BRCC3: variants seen among roughly 807,000 people sequenced by gnomAD.
BRCC3 encodes the protein lys-63-specific deubiquitinase BRCC36.
A neutral mutation model predicts 28.0 loss-of-function variants in BRCC3; 15 were observed. The ratio of observed to expected loss-of-function variants is 0.54; its 90% CI spans 0.36 to 0.82. The LOEUF is 0.82. BRCC3 is among the 40% of genes least tolerant of loss of function. BRCC3 has a pLI of 0.01. For synonymous variants in BRCC3, 66 were observed against 80.3 expected, an observed-to-expected ratio of 0.82 and a Z score of 0.95; for missense variants, 109 against 225.9, an observed-to-expected ratio of 0.48 and a Z score of 3.32.
At chrX:155,107,968 A>G (rs1247869664) in intron 7 of BRCC3, among the ~76,000 whole-genome samples, 4 of 111,719 alleles carry the variant, frequency 3.6e-5, no homozygotes, top group East Asian at 2.8e-4. Flanking sequence ...AGCTCAATCA[A>G]TTTTCACAAA....
At chrX:155,094,586 T>C (rs2074197599) in intron 7 of BRCC3, among the ~76,000 whole-genome samples, 1 of 111,068 alleles carries the variant, frequency 9.0e-6, no homozygotes, top group Admixed American at 9.5e-5. Context: ...ACTTGAGCAA[T>C]GTATGCATGG....
At chrX:155,103,171 A>G (rs1314080291) in intron 7 of BRCC3, among the ~76,000 whole-genome samples, 2 of 112,779 alleles carry the variant, frequency 1.8e-5, no homozygotes, top group Non-Finnish European at 3.7e-5. Context: ...CATTGTGGTC[A>G]TACATTTTAC....
At chrX:155,111,478 T>C (rs1017517374) in intron 7 of BRCC3, among the ~76,000 whole-genome samples, 6 of 112,095 alleles carry the variant, frequency 5.4e-5, no homozygotes, top group African/African-American at 9.7e-5. Flanking sequence ...TCAATTGATC[T>C]TCAACAACTG....
At chrX:155,120,991 G>A (rs2074385362) in intron 10 of BRCC3, among the ~76,000 whole-genome samples, 1 of 111,557 alleles carries the variant, frequency 9.0e-6, no homozygotes, top group Admixed American at 9.5e-5. Context: ...AGTGATAAAG[G>A]CTGTTTTTGG....
At chrX:155,099,500 C>A in intron 7 of BRCC3, 1 of 1,048,390 alleles carries the variant, frequency 9.5e-7, no homozygotes, top group Non-Finnish European at 1.3e-6. Flanking sequence ...AGAACTCAGT[C>A]AAGTGGCCAT....
chrX:155,111,561 C>G (rs1327105385), intron 7 of BRCC3, among the ~76,000 whole-genome samples: 1 of 111,504 alleles, frequency 9.0e-6, no homozygotes, highest in Admixed American at 9.5e-5. Flanking sequence ...TATCCACATG[C>G]AAAAAGAATA....
chrX:155,112,767 A>G (rs1557298276), intron 7 of BRCC3, among the ~76,000 whole-genome samples: 1 of 112,461 alleles, frequency 8.9e-6, no homozygotes, highest in East Asian at 2.8e-4. Context: ...ACCTCACAAA[A>G]CTGTTAGAAC....
intron 9 of BRCC3, among the ~76,000 whole-genome samples, chrX:155,117,734 T>C (rs1211377177): frequency 9.0e-6 from 1 of 111,711 alleles, no homozygotes; most frequent in Non-Finnish European, 1.9e-5. Context: ...TATATAAGAA[T>C]TTATATTTAG....
intron 7 of BRCC3, among the ~76,000 whole-genome samples, chrX:155,097,246 C>T (rs2074216193): frequency 9.0e-6 from 1 of 111,566 alleles, no homozygotes; most frequent in African/African-American, 3.3e-5. Flanking sequence ...ATTTGCAACC[C>T]ATATATCTGA....
Position 155,120,008 on chromosome X carries a change from A to G in BRCC3, c.734A>G (p.Lys245Arg). Reference sequence around the variant, plus strand: ...ATTTTTCCTATTGAAGTGTTTACCAAGAATCTGTGCAGTCAGATGTCGGCA... The same window carrying G: ...ATTTTTCCTATTGAAGTGTTTACCAGGAATCTGTGCAGTCAGATGTCGGCA... ...TKIHNGSVFT[K>R]NLCSQMSAVS... Residue 245 changes from lysine (K) to arginine (R), a missense_variant, in exon 10 of 11, where the codon AAG becomes AGG. This residue lies in a region of BRCC3 where 50 missense variants were observed against 115.2 expected (regional missense o/e 0.43). Transcript: ENST00000330045. The G allele has an allele frequency of 8.3e-7, 1 of 1,204,692 alleles. No individual in the cohort carries two copies. Among genetic ancestry groups the G allele is most frequent in the Non-Finnish European group, 1.1e-6 (1 of 893,178 alleles).
chrX:155,075,330 C>CACAAG (rs2074029638), intron 3 of BRCC3, among the ~76,000 whole-genome samples: 3 of 111,164 alleles, frequency 2.7e-5, no homozygotes, highest in Non-Finnish European at 5.6e-5. Flanking sequence ...TAAATGTGGC[C>CACAAG]ACTCCCCTTG....
chrX:155,112,717 T>A (rs1172415022), intron 7 of BRCC3, among the ~76,000 whole-genome samples: 2 of 112,526 alleles, frequency 1.8e-5, no homozygotes, highest in Admixed American at 1.9e-4. Flanking sequence ...AAGGAAGATG[T>A]AAGTTTATCT....
chrX:155,109,257 C>T (rs1467380993), intron 7 of BRCC3, among the ~76,000 whole-genome samples: 2 of 111,586 alleles, frequency 1.8e-5, no homozygotes, highest in East Asian at 5.6e-4. Context: ...TAGTTCTCCC[C>T]TTTGTTGTTA....
At chrX:155,114,234 A>G (rs1557298462) in intron 7 of BRCC3, among the ~76,000 whole-genome samples, 2 of 111,744 alleles carry the variant, frequency 1.8e-5, no homozygotes, top group African/African-American at 6.5e-5. Flanking sequence ...TAAATGGACC[A>G]ACAAAATGCA....
At chrX:155,076,324 C>T (rs781826441) in intron 3 of BRCC3, among the ~76,000 whole-genome samples, 6 of 110,521 alleles carry the variant, frequency 5.4e-5, no homozygotes, top group Non-Finnish European at 9.5e-5. Context: ...AGGAGGTAGA[C>T]GTTGCAGTGA....
chrX:155,090,979 C>T (rs1194705419), intron 7 of BRCC3, 140 bp downstream of exon 7: 3 of 497,908 alleles, frequency 6.0e-6, no homozygotes, highest in Non-Finnish European at 6.9e-6. Context: ...TACAGCTCTA[C>T]GATGAGTTAG....
chrX:155,102,302 A>G (rs1348943811), intron 7 of BRCC3, among the ~76,000 whole-genome samples: 5 of 111,956 alleles, frequency 4.5e-5, no homozygotes, highest in African/African-American at 1.6e-4. Flanking sequence ...CAGGTCTTCC[A>G]TATCTTTTGT....
At chrX:155,109,612 TTTATATCCAGCAGCC>T (rs2124299531) in intron 7 of BRCC3, among the ~76,000 whole-genome samples, 1 of 111,927 alleles carries the variant, frequency 8.9e-6, no homozygotes, top group South Asian at 3.7e-4. Context: ...GTATATTGGC[TTTATATCCAGCAGCC>T]TTATGGATAT....
rs1483055744 is a variant in BRCC3, at chrX:155,077,203, G to C, written c.229G>C (p.Val77Leu). 8.4e-7 allele frequency: 1 copy of C among 1,189,524 alleles called. No homozygotes were observed. The highest frequency in any genetic ancestry group is 1.8e-5 in the African/African-American group (1 of 56,558). ...CGTCAGAATTGTTCACATTCATTCTGTCATCATCTTACGACGTTCTGATAA... is the reference window on the plus strand; with the variant it reads ...CGTCAGAATTGTTCACATTCATTCTCTCATCATCTTACGACGTTCTGATAA... ...DAVRIVHIHS[V>L]IILRRSDKRK... Residue 77 changes from valine (V) to leucine (L), a missense_variant, in exon 4 of 11, where the codon GTC becomes CTC. Transcript: ENST00000330045.
Sources: gnomAD v4.1 joint callset for allele counts (sites outside exome capture counted in the v4.1 genomes callset) on GRCh38, gnomAD v4.1.1 for gene constraint, gnomAD v4.1.1 regional missense constraint, MANE v1.5 for transcripts, NCBI Gene and HGNC (gene_info 2026-07-23, HGNC 2026-07-21) for gene names.